The following LYN variants were observed in gnomAD, a reference collection of about 807,000 sequenced individuals.
The protein encoded by LYN is LYN proto-oncogene, Src family tyrosine kinase.
A neutral mutation model predicts 65.0 loss-of-function variants in LYN; 12 were observed. The ratio of observed to expected loss-of-function variants is 0.18; its 90% CI spans 0.12 to 0.30. The LOEUF (loss-of-function observed/expected upper bound fraction) is 0.30, where lower values mean the gene tolerates loss of function less well. Ranked by LOEUF, LYN falls within the 10% of genes least tolerant of loss-of-function variation. The pLI is 1.00. For synonymous variants in LYN, 222 were observed against 221.2 expected, an observed-to-expected ratio of 1.00 and a Z score of -0.03; for missense variants, 380 against 623.2, an observed-to-expected ratio of 0.61 and a Z score of 4.16.
chr8:56,011,981 T>A lies in LYN; in HGVS notation c.*1871T>A, dbSNP rs1808830778. On this transcript the variant is annotated 3_prime_UTR_variant, in exon 13 of 13. Transcript: ENST00000519728. ...CTAGAAAATGACTAGAGGTTTTTTT[T>A]TTAGCATAACAAATTTATTTAAAGA... The A allele has an allele frequency of 5.3e-6, 1 of 188,432 alleles. No individual in the cohort carries two copies. The highest frequency in any genetic ancestry group is 1.1e-5 in the Non-Finnish European group (1 of 89,562). The allele number at this position is 188,432 out of a possible 1,614,324, so 11.7% of individuals were successfully genotyped here.
intron 1 of LYN, among the ~76,000 whole-genome samples, chr8:55,894,905 C>T (rs544783954): frequency 3.3e-5 from 5 of 152,268 alleles, no homozygotes; most frequent in African/African-American, 9.6e-5. Flanking sequence ...TTTCAATCTC[C>T]TGTGCTCAAG....
chr8:55,947,655 C>T lies in LYN; in HGVS notation c.216C>T (p.Tyr72=). Residue 72 remains tyrosine (Y), a synonymous_variant, in exon 4 of 13, where the codon TAC becomes TAT. Transcript: ENST00000519728. ...EEQGDIVVAL[Y]PYDGIHPDDL... The stretch of plus-strand genomic sequence containing the variant: ...AAGGAGACATTGTGGTAGCCTTGTA[C>T]CCCTATGATGGCATCCACCCGGACG... The T allele has an allele frequency of 1.9e-6, 3 of 1,613,850 alleles. No homozygotes were observed. Among genetic ancestry groups the T allele is most frequent in the Non-Finnish European group, 2.5e-6 (3 of 1,179,774 alleles).
chr8:55,953,898 G>A lies in LYN; in HGVS notation c.704G>A (p.Trp235Ter), dbSNP rs1807025751. 6.2e-7 allele frequency: 1 copy of A among 1,614,050 alleles called. No homozygotes were observed. ...ATTAGTCCCAAGCCACAGAAGCCAT[G>A]GGATAAAGATGCCTGGGAGATCCCC... ...ACISPKPQKP[W>*]DKDAWEIPRE... is the part of the protein sequence containing the mutation. Residue 235 changes from tryptophan (W) to a stop codon, truncating the protein, a stop_gained, in exon 8 of 13, where the codon TGG becomes TAG. Transcript: ENST00000519728. LOFTEE classifies it high-confidence loss of function.
chr8:55,928,448 T>G (rs1357005986), intron 1 of LYN, among the ~76,000 whole-genome samples: 1 of 152,178 alleles, frequency 6.6e-6, no homozygotes, highest in African/African-American at 2.4e-5. Context: ...GCAGGGCCCA[T>G]TGTTGCTTTA....
intron 2 of LYN, among the ~76,000 whole-genome samples, chr8:55,942,333 A>ATATATATGTG (rs1554579315): frequency 0.1 from 13,013 of 124,908 alleles, 860 homozygotes; most frequent in Middle Eastern, 0.21. Context: ...ATATATGTGT[A>ATATATATGTG]TATATATATG....
chr8:56,006,104 T>A (rs143501793), intron 12 of LYN, among the ~76,000 whole-genome samples: 1 of 152,162 alleles, frequency 6.6e-6, no homozygotes, highest in Non-Finnish European at 1.5e-5. Context: ...TGGGGGTGTC[T>A]TGTTGGGGTC....
chr8:55,916,965 C>A lies in LYN; in HGVS notation c.-5-24890C>A, dbSNP rs1805794563. ...GCTGAGGGAGGTGGATTATTTGAGG[C>A]CAGGAGTTCAAGACCACCCTGGCCA... On this transcript the variant is annotated intron_variant, in intron 1 of 12. Transcript: ENST00000519728. Among the ~76,000 whole-genome samples the A allele has an allele frequency of 3.3e-5, 5 of 151,642 alleles. No homozygotes were observed. The South Asian group carries it at 1.0e-3, about 32-fold the overall frequency.
At chr8:55,991,670 GTCT>G (rs1808253752) in intron 10 of LYN, among the ~76,000 whole-genome samples, 1 of 152,046 alleles carries the variant, frequency 6.6e-6, no homozygotes, top group African/African-American at 2.4e-5. Flanking sequence ...GCTCAGCATG[GTCT>G]TCTTTGTCAT....
At chr8:55,997,871 T>G (rs1002457070) in intron 10 of LYN, among the ~76,000 whole-genome samples, 1 of 152,050 alleles carries the variant, frequency 6.6e-6, no homozygotes, top group African/African-American at 2.4e-5. Context: ...GATCACGAGG[T>G]CAGGAGATCG....
intron 8 of LYN, chr8:55,955,114 A>C (rs2130500935): frequency 6.6e-6 from 1 of 152,388 alleles, no homozygotes; most frequent in East Asian, 1.9e-4. Flanking sequence ...CAGCCCCGGC[A>C]GAACAGAAGC....
At chr8:55,945,840 C>T (rs2130482810) in intron 2 of LYN, among the ~76,000 whole-genome samples, 1 of 152,312 alleles carries the variant, frequency 6.6e-6, no homozygotes, top group East Asian at 1.9e-4. Context: ...AGGGACAGAG[C>T]CCTGACCATG....
intron 1 of LYN, among the ~76,000 whole-genome samples, chr8:55,921,228 C>T (rs879435970): frequency 6.6e-6 from 1 of 152,130 alleles, no homozygotes; most frequent in South Asian, 2.1e-4. Flanking sequence ...GGAATAAGCA[C>T]GTGGAATTTC....
At chr8:55,904,586 A>G (rs1337665169) in intron 1 of LYN, among the ~76,000 whole-genome samples, 3 of 152,116 alleles carry the variant, frequency 2.0e-5, no homozygotes, top group Non-Finnish European at 4.4e-5. Context: ...TCATGCACCT[A>G]TAAAAGATAA....
At chr8:55,941,220 T>G (rs1806601745) in intron 1 of LYN, among the ~76,000 whole-genome samples, 1 of 152,128 alleles carries the variant, frequency 6.6e-6, no homozygotes, top group African/African-American at 2.4e-5. Flanking sequence ...GTGTCATTTG[T>G]CTTCAGGGTA....
intron 8 of LYN, among the ~76,000 whole-genome samples, chr8:55,956,774 G>T (rs115577614): frequency 0.011 from 1,737 of 152,190 alleles, 30 homozygotes; most frequent in African/African-American, 0.035. Context: ...CGGCTTCTCC[G>T]TCTGTTCACT....
chr8:55,969,007 G>A (rs1241351764), intron 9 of LYN, among the ~76,000 whole-genome samples: 1 of 152,170 alleles, frequency 6.6e-6, no homozygotes, highest in South Asian at 2.1e-4. Flanking sequence ...GAGGCTGGGC[G>A]TGGTGGCTCA....
intron 12 of LYN, among the ~76,000 whole-genome samples, chr8:56,002,668 C>T (rs1326767339): frequency 6.7e-6 from 1 of 148,910 alleles, no homozygotes; most frequent in Admixed American, 6.6e-5. Context: ...AAAAGAGAAC[C>T]AGTAGAAAAA....
At chr8:55,902,929 A>G in intron 1 of LYN, 2 of 301,460 alleles carry the variant, frequency 6.6e-6, no homozygotes, top group Non-Finnish European at 1.3e-5. Context: ...ACTCACTGCA[A>G]CCTCCGCCTC....
chr8:55,973,135 G>A (rs1203006670), intron 10 of LYN, among the ~76,000 whole-genome samples: 5 of 152,130 alleles, frequency 3.3e-5, no homozygotes, highest in South Asian at 4.2e-4. Flanking sequence ...TCTTCTTCCC[G>A]CTCCCCACTA....
Sources: gnomAD v4.1 joint callset for allele counts (sites outside exome capture counted in the v4.1 genomes callset) on GRCh38, gnomAD v4.1.1 for gene constraint, MANE v1.5 for transcripts, NCBI Gene and HGNC (gene_info 2026-07-23, HGNC 2026-07-21) for gene names.